CLEC9A: variants seen among roughly 807,000 people sequenced by gnomAD.
CLEC9A encodes the protein C-type lectin domain family 9 member A.
In CLEC9A, 24 loss-of-function variants were observed where a neutral mutation model predicts 30.0. The ratio of observed to expected loss-of-function variants is 0.80; its 90% CI spans 0.58 to 1.13. The LOEUF (loss-of-function observed/expected upper bound fraction) is 1.13, where lower values mean the gene tolerates loss of function less well. Ranked by LOEUF, CLEC9A falls within the 50% of genes most tolerant of loss-of-function variation. CLEC9A has a pLI of 0.00. For synonymous variants in CLEC9A, 111 were observed against 96.8 expected (o/e 1.15, Z -0.86); for missense variants, 251 against 280.9 (o/e 0.89, Z 0.76).
At position 10,050,008 on chromosome 12, in the gene CLEC9A, T is replaced by C. The variant is rs560836788; in HGVS notation, c.-162-1983T>C. ...GACATGCAACTCTTTCCCTCAACTC[T>C]TACAGGCCTTTGTAGCATTATTAAT... is the stretch of plus-strand genomic sequence containing the variant. On this transcript the variant is annotated intron_variant, in intron 2 of 8. Coordinates refer to ENST00000355819, the MANE Select transcript of CLEC9A (RefSeq NM_207345.4). 7.7e-4 allele frequency among the ~76,000 whole-genome samples: 118 copies of C among 152,328 alleles called. 1 individual carries two copies. The highest frequency in any genetic ancestry group is 1.5e-3 in the Non-Finnish European group (102 of 68,016).
At chr12:10,062,009 A>G (rs1866002806) in intron 6 of CLEC9A, among the ~76,000 whole-genome samples, 2 of 152,192 alleles carry the variant, frequency 1.3e-5, no homozygotes, top group South Asian at 2.1e-4. Context: ...TGTGTGCCCA[A>G]CCATGTTTCT....
chr12:10,062,647 T>G (rs1176026437), intron 6 of CLEC9A, among the ~76,000 whole-genome samples: 1 of 152,212 alleles, frequency 6.6e-6, no homozygotes, highest in Non-Finnish European at 1.5e-5. Context: ...GGCTTATTAT[T>G]CAATCCATCC....
chr12:10,060,992 A>T, intron 5 of CLEC9A, 135 bp from the exon 6 acceptor site: 1 of 1,079,506 alleles, frequency 9.3e-7, no homozygotes, highest in Non-Finnish European at 1.3e-6. Flanking sequence ...TGTAAATTTT[A>T]AGCAAAAACC....
At chr12:10,034,690 A>G (rs982110806) in intron 1 of CLEC9A, among the ~76,000 whole-genome samples, 2 of 152,134 alleles carry the variant, frequency 1.3e-5, no homozygotes, top group African/African-American at 4.8e-5. Context: ...AGAGTGTGCA[A>G]TGGAGGTATG....
chr12:10,051,204 TAAAA>T (rs76673745), intron 2 of CLEC9A, among the ~76,000 whole-genome samples: 1 of 136,732 alleles, frequency 7.3e-6, no homozygotes, highest in Non-Finnish European at 1.6e-5. Context: ...AAACTCTGTC[TAAAA>T]AAAAAAAAAA....
chr12:10,041,342 C>A, intron 1 of CLEC9A, 124 bp from the exon 2 acceptor site: 1 of 243,316 alleles, frequency 4.1e-6, no homozygotes, highest in Non-Finnish European at 8.3e-6. Flanking sequence ...TTTCTCCAAC[C>A]CCTGGAGCAT....
At chr12:10,049,176 T>C (rs538616853) in intron 2 of CLEC9A, among the ~76,000 whole-genome samples, 3 of 152,030 alleles carry the variant, frequency 2.0e-5, no homozygotes, top group Non-Finnish European at 4.4e-5. Flanking sequence ...TGAGCAGTAG[T>C]TCTCAACAGT....
intron 5 of CLEC9A, among the ~76,000 whole-genome samples, chr12:10,054,958 C>G (rs1052954813): frequency 2.0e-5 from 3 of 152,094 alleles, no homozygotes; most frequent in African/African-American, 4.8e-5. Flanking sequence ...TTCTTATATG[C>G]CTTTGCAAAT....
chr12:10,051,952 A>G lies in CLEC9A; in HGVS notation c.-162-39A>G, dbSNP rs377607088. On this transcript the variant is annotated intron_variant, in intron 2 of 8. Transcript: ENST00000355819. Reference sequence around the variant, plus strand: ...GCTATTCTAGGTTATAGCTTTCAAGAGCAGGTGTGGATTCATCACCTTCTC... The same window carrying G: ...GCTATTCTAGGTTATAGCTTTCAAGGGCAGGTGTGGATTCATCACCTTCTC... 7.2e-5 allele frequency: 11 copies of G among 152,342 alleles called. 1 individual carries two copies. The East Asian group carries it at 1.2e-3, about 16-fold the overall frequency. The allele number at this position is 152,342 out of a possible 1,614,324, so 9.4% of individuals were successfully genotyped here.
At position 10,064,838 on chromosome 12, in the gene CLEC9A, C is replaced by G. The variant is rs997271993; in HGVS notation, c.578C>G (p.Ser193Cys). 1 of 1,612,866 alleles carries G rather than the reference C, an allele frequency of 6.2e-7. No homozygotes were observed. The highest frequency in any genetic ancestry group is 1.3e-5 in the African/African-American group (1 of 74,836). The change falls in exon 8 of 9, where the codon TCT becomes TGT. Residue 193 changes from serine to cysteine, a missense_variant. Coordinates refer to ENST00000355819, the MANE Select transcript of CLEC9A (RefSeq NM_207345.4). ...SGRWLWQDGS[S>C]PSPGLLPAER... ...CGCTGGCTTTGGCAAGATGGCTCCT[C>G]TCCTTCTCCTGGCCTGTAAGTCTCT...
chr12:10,053,233 G>A (rs986452475), intron 4 of CLEC9A, among the ~76,000 whole-genome samples: 3 of 152,140 alleles, frequency 2.0e-5, no homozygotes, highest in Non-Finnish European at 4.4e-5. Flanking sequence ...CTGTCTGCTG[G>A]TGTAACCAAT....
intron 1 of CLEC9A, among the ~76,000 whole-genome samples, chr12:10,036,185 G>A (rs1865742977): frequency 6.6e-6 from 1 of 152,122 alleles, no homozygotes; most frequent in African/African-American, 2.4e-5. Flanking sequence ...TGTCACAAAT[G>A]TTCTGCCATA....
At chr12:10,031,548 C>T (rs757968929) in intron 1 of CLEC9A, among the ~76,000 whole-genome samples, 1 of 152,106 alleles carries the variant, frequency 6.6e-6, no homozygotes, top group African/African-American at 2.4e-5. Context: ...TAATGGTCTT[C>T]GATATTGTGT....
intron 5 of CLEC9A, among the ~76,000 whole-genome samples, chr12:10,055,187 G>A (rs1020572645): frequency 6.6e-6 from 1 of 152,156 alleles, no homozygotes; most frequent in African/African-American, 2.4e-5. Flanking sequence ...CTCAAATAAA[G>A]TTTCACAGCT....
At chr12:10,048,029 C>T (rs931542523) in intron 2 of CLEC9A, among the ~76,000 whole-genome samples, 1 of 151,390 alleles carries the variant, frequency 6.6e-6, no homozygotes, top group East Asian at 1.9e-4. Flanking sequence ...GTCAGGAGAT[C>T]GAGACCATCC....
intron 5 of CLEC9A, among the ~76,000 whole-genome samples, chr12:10,057,491 TAGA>T (rs893156634): frequency 4.6e-5 from 7 of 151,842 alleles, no homozygotes; most frequent in African/African-American, 1.7e-4. Context: ...TACCTGACAA[TAGA>T]AGGACTGGTA....
At chr12:10,054,847 T>C (rs528898190) in intron 5 of CLEC9A, among the ~76,000 whole-genome samples, 2 of 152,310 alleles carry the variant, frequency 1.3e-5, no homozygotes, top group South Asian at 4.1e-4. Flanking sequence ...CAAGTGAAAT[T>C]TTTATAAAAT....
At chr12:10,054,986 G>T (rs1344500078) in intron 5 of CLEC9A, among the ~76,000 whole-genome samples, 4 of 152,074 alleles carry the variant, frequency 2.6e-5, no homozygotes, top group Non-Finnish European at 5.9e-5. Flanking sequence ...CTATCTAAAA[G>T]ACATCAGCTG....
chr12:10,047,691 A>G (rs1304589848), intron 2 of CLEC9A, among the ~76,000 whole-genome samples: 1 of 152,236 alleles, frequency 6.6e-6, no homozygotes, highest in Non-Finnish European at 1.5e-5. Flanking sequence ...CCTAATGCAT[A>G]TACAAGTGAT....
Sources: gnomAD v4.1 joint callset for allele counts (sites outside exome capture counted in the v4.1 genomes callset) on GRCh38, gnomAD v4.1.1 for gene constraint, MANE v1.5 for transcripts, NCBI Gene and HGNC (gene_info 2026-07-23, HGNC 2026-07-21) for gene names.